Variants in TET2 observed in about 807,000 individuals in gnomAD.
TET2 encodes methylcytosine dioxygenase TET2.
A neutral mutation model predicts 142.9 loss-of-function variants in TET2; 299 were observed. That is an observed-to-expected ratio of 2.09 (90% CI 1.90 to 2.30). The LOEUF (loss-of-function observed/expected upper bound fraction) is 2.30, where lower values mean the gene tolerates loss of function less well. Ranked by LOEUF, TET2 falls within the 30% of genes most tolerant of loss-of-function variation. TET2 has a pLI of 0.00. For missense variants in TET2, 2,418 were observed against 2,378.0 expected (o/e 1.02, Z -0.35); for synonymous variants, 819 against 849.0 (o/e 0.96, Z 0.61).
chr4:105,197,325 T>A (rs1052533653), intron 2 of TET2, among the ~76,000 whole-genome samples: 1 of 152,238 alleles, frequency 6.6e-6, no homozygotes, highest in Non-Finnish European at 1.5e-5. Flanking sequence ...TAATTTCTGA[T>A]GACTAAACAT....
At position 105,236,037 on chromosome 4, in the gene TET2, T is replaced by C; in HGVS notation, c.2095T>C (p.Leu699=). The stretch of plus-strand genomic sequence containing the variant: ...AACTGAAAAACTTATGTCCCCAGTG[T>C]TGAAACAGCACTTGAATCAACAGGC... ...SQTEKLMSPV[L]KQHLNQQASE... is the part of the protein sequence containing the mutation. The change falls in exon 3 of 11, where the codon TTG becomes CTG. Residue 699 remains leucine (L), a synonymous_variant. Transcript: ENST00000380013. 3 of 1,614,158 alleles carry C rather than the reference T, an allele frequency of 1.9e-6. No homozygotes were observed. Among genetic ancestry groups the C allele is most frequent in the Non-Finnish European group, 2.5e-6 (3 of 1,180,010 alleles).
intron 1 of TET2, among the ~76,000 whole-genome samples, chr4:105,183,354 A>C (rs1157096071): frequency 6.6e-6 from 1 of 152,172 alleles, no homozygotes. Flanking sequence ...CCTTTTATAA[A>C]CTTAATATCA....
At position 105,243,727 on chromosome 4, in the gene TET2, C is replaced by A; in HGVS notation, c.3752C>A (p.Thr1251Lys). 1 of 1,551,550 alleles carries A rather than the reference C, an allele frequency of 6.4e-7. No homozygotes were observed. Among genetic ancestry groups the A allele is most frequent in the Non-Finnish European group, 8.7e-7 (1 of 1,146,946 alleles). ...ADKLYSELTE[T>K]LRKYGTLTNR... ...AAACTCTACTCGGAGCTTACCGAGA[C>A]GCTGAGGAAATACGGCACGCTCACC... The change falls in exon 6 of 11, where the codon ACG (threonine) becomes AAG (lysine). Residue 1251 changes from threonine (T) to lysine (K), a missense_variant. Thr to Lys is a moderately conservative substitution (Grantham distance 78, BLOSUM62 -1). Coordinates refer to ENST00000380013, the MANE Select transcript of TET2 (RefSeq NM_001127208.3).
chr4:105,254,630 T>C (rs910198301), intron 6 of TET2, among the ~76,000 whole-genome samples: 3 of 152,144 alleles, frequency 2.0e-5, no homozygotes, highest in Non-Finnish European at 2.9e-5. Flanking sequence ...CAGTGTGGTC[T>C]TGAACTCCTG....
At chr4:105,217,864 G>A (rs576025508) in intron 2 of TET2, among the ~76,000 whole-genome samples, 5 of 151,910 alleles carry the variant, frequency 3.3e-5, no homozygotes, top group Non-Finnish European at 7.4e-5. Context: ...TATTAATACT[G>A]CACTTATAAA....
chr4:105,216,713 T>C (rs970037654), intron 2 of TET2, among the ~76,000 whole-genome samples: 6 of 152,056 alleles, frequency 3.9e-5, no homozygotes, highest in Non-Finnish European at 8.8e-5. Context: ...CTATGAAAAA[T>C]GCCATAAACT....
chr4:105,189,311 C>A (rs915602634), intron 1 of TET2, among the ~76,000 whole-genome samples: 5 of 152,132 alleles, frequency 3.3e-5, no homozygotes, highest in Non-Finnish European at 5.9e-5. Context: ...GGAACCTGAG[C>A]TTCAACTGCT....
intron 6 of TET2, among the ~76,000 whole-genome samples, chr4:105,255,728 C>T (rs970234182): frequency 5.9e-5 from 9 of 151,794 alleles, no homozygotes; most frequent in Non-Finnish European, 8.8e-5. Flanking sequence ...TTGTAGATAT[C>T]GTATAGTTAA....
intron 6 of TET2, among the ~76,000 whole-genome samples, chr4:105,247,125 A>G (rs1729620053): frequency 1.3e-5 from 2 of 152,212 alleles, no homozygotes; most frequent in Non-Finnish European, 1.5e-5. Context: ...AATGAATTCC[A>G]TGGACCCATC....
rs1728749348 is a variant in TET2, at chr4:105,234,935, AT to A, written c.994del (p.Cys332AlafsTer15). On this transcript the variant is annotated frameshift_variant, in exon 3 of 11. Transcript: ENST00000380013. LOFTEE classifies it high-confidence loss of function. The part of the protein sequence containing the change: ...LQQQKSVFEI[C>X]PSPAENNIQG... The stretch of plus-strand genomic sequence containing the variant: ...AACAACAAAAATCAGTTTTTGAGAT[AT>A]GCCCATCTCCTGCAGAAAATAACAT... 2 of 1,613,964 alleles carry A rather than the reference AT, an allele frequency of 1.2e-6. No individual in the cohort carries two copies. The highest frequency in any genetic ancestry group is 1.7e-6 in the Non-Finnish European group (2 of 1,180,012).
chr4:105,275,260 C>CA lies in TET2; in HGVS notation c.4751dup (p.His1584GlnfsTer30). ...AGTTAGTCCTTATCCAAACTCTTCA[C>CA]ACACTTCAGATATCTATGGAAGCAC... is the stretch of plus-strand genomic sequence containing the variant. On this transcript the variant is annotated frameshift_variant, in exon 11 of 11. Transcript: ENST00000380013. LOFTEE classifies it low-confidence loss of function (END_TRUNC). The CA allele has an allele frequency of 1.3e-6, 2 of 1,552,344 alleles. 1 individual carries two copies. The highest frequency in any genetic ancestry group is 1.7e-6 in the Non-Finnish European group (2 of 1,147,126).
At chr4:105,197,573 A>C (rs1251505373) in intron 2 of TET2, among the ~76,000 whole-genome samples, 2 of 152,174 alleles carry the variant, frequency 1.3e-5, no homozygotes, top group African/African-American at 2.4e-5. Flanking sequence ...GCAGGCTTGC[A>C]GGGAAAAACT....
chr4:105,263,086 A>G (rs926964677), intron 8 of TET2, among the ~76,000 whole-genome samples: 1 of 141,476 alleles, frequency 7.1e-6, no homozygotes, highest in Non-Finnish European at 1.5e-5. Flanking sequence ...GACATATAAA[A>G]TAAATAGCAA....
intron 1 of TET2, among the ~76,000 whole-genome samples, chr4:105,173,307 C>A (rs1724580195): frequency 1.4e-5 from 2 of 146,870 alleles, no homozygotes; most frequent in Admixed American, 7.0e-5. Flanking sequence ...ATCACGAGCT[C>A]AGGAGTTTGA....
chr4:105,231,403 C>T (rs544570992), intron 2 of TET2, among the ~76,000 whole-genome samples: 7 of 152,076 alleles, frequency 4.6e-5, no homozygotes, highest in Non-Finnish European at 8.8e-5. Flanking sequence ...AGGTCTTCCA[C>T]ATTTTAAAAA....
In TET2 at chr4:105,242,923, A is replaced by G; in HGVS notation, c.3590A>G (p.Lys1197Arg). 4 of 1,550,416 alleles carry G rather than the reference A, an allele frequency of 2.6e-6. No individual in the cohort carries two copies. The highest frequency in any genetic ancestry group is 2.4e-5 in the East Asian group (1 of 40,836). ...AGTTCTCAGGGATGTCCTATTGCTA[A>G]GTGGGTAAGTGTGACTTGATAAAGC... ...GKSSQGCPIA[K>R]WVVRRSSSEE... Residue 1197 changes from lysine (K) to arginine (R), a missense_variant, in exon 5 of 11, where the codon AAG becomes AGG. Coordinates refer to ENST00000380013, the MANE Select transcript of TET2 (RefSeq NM_001127208.3).
chr4:105,163,309 C>T (rs1723949689), intron 1 of TET2, among the ~76,000 whole-genome samples: 1 of 152,116 alleles, frequency 6.6e-6, no homozygotes, highest in Admixed American at 6.6e-5. Context: ...TGGATTGCCA[C>T]CACTTTCACT....
chr4:105,241,289 T>C lies in TET2; in HGVS notation c.3410-50T>C, dbSNP rs1729283308. The C allele has an allele frequency of 2.0e-6, 3 of 1,498,864 alleles. No homozygotes were observed. The Middle Eastern group carries it at 5.3e-4, about 263-fold the overall frequency. The allele number at this position is 1,498,864 out of a possible 1,614,324, so 92.8% of individuals were successfully genotyped here. A position where few individuals can be genotyped will look rare whatever the true frequency, so the allele number is the denominator to read the frequency against. Reference sequence around the variant, plus strand: ...TTAAGCTTTGTGGATGTAGCCTTTATATTTAGTATAATTGAGGTCTAAAAT... The same window carrying C: ...TTAAGCTTTGTGGATGTAGCCTTTACATTTAGTATAATTGAGGTCTAAAAT... On this transcript the variant is annotated intron_variant, in intron 3 of 10. Coordinates refer to ENST00000380013, the MANE Select transcript of TET2 (RefSeq NM_001127208.3).
intron 8 of TET2, 21 bp downstream of exon 8, chr4:105,261,869 GCA>G (rs1173906556): frequency 7.1e-7 from 1 of 1,403,662 alleles, no homozygotes; most frequent in Non-Finnish European, 9.8e-7. Context: ...ATAATCATTG[GCA>G]GCAATTGTAA....
Sources: gnomAD v4.1 joint callset for allele counts (sites outside exome capture counted in the v4.1 genomes callset) on GRCh38, gnomAD v4.1.1 for gene constraint, MANE v1.5 for transcripts, NCBI Gene and HGNC (gene_info 2026-07-23, HGNC 2026-07-21) for gene names.